The following RPH3A variants were observed in gnomAD, a reference collection of about 807,000 sequenced individuals.
RPH3A encodes the protein rabphilin 3A, also known as rabphilin-3A.
In RPH3A, 48 loss-of-function variants were observed where a neutral mutation model predicts 102.2. The observed-to-expected ratio is 0.47, with a 90% CI of 0.37 to 0.60. The LOEUF is 0.60. Ranked by LOEUF, RPH3A falls within the 20% of genes least tolerant of loss-of-function variation. The pLI, the probability that RPH3A is intolerant of heterozygous loss-of-function variation, is 0.00. For synonymous variants in RPH3A, 310 were observed against 324.3 expected, an observed-to-expected ratio of 0.96 and a Z score of 0.47; for missense variants, 781 against 910.1, an observed-to-expected ratio of 0.86 and a Z score of 1.83.
intron 2 of RPH3A, among the ~76,000 whole-genome samples, chr12:112,804,580 C>T (rs1012896706): frequency 1.3e-5 from 2 of 152,224 alleles, no homozygotes; most frequent in Non-Finnish European, 2.9e-5. Flanking sequence ...AGCTGGCTGG[C>T]TGGTGATAGA....
At chr12:112,677,457 CCT>C (rs2040187461) in intron 1 of RPH3A, among the ~76,000 whole-genome samples, 1 of 135,772 alleles carries the variant, frequency 7.4e-6, no homozygotes, top group African/African-American at 2.9e-5. Context: ...TTCCTTCCTT[CCT>C]TCCTTCCTTC....
intron 2 of RPH3A, among the ~76,000 whole-genome samples, chr12:112,809,246 G>T (rs1041116454): frequency 6.6e-6 from 1 of 152,186 alleles, no homozygotes; most frequent in Non-Finnish European, 1.5e-5. Context: ...TGGTATGTCA[G>T]TGGGGAGTTC....
intron 1 of RPH3A, among the ~76,000 whole-genome samples, chr12:112,698,715 C>T (rs976560590): frequency 3.3e-5 from 5 of 152,086 alleles, no homozygotes; most frequent in African/African-American, 1.2e-4. Context: ...TAATTAATAT[C>T]CAATGCTGGT....
chr12:112,852,543 G>C (rs958092033), intron 5 of RPH3A, among the ~76,000 whole-genome samples: 3 of 152,146 alleles, frequency 2.0e-5, no homozygotes, highest in Non-Finnish European at 4.4e-5. Flanking sequence ...ACGCTAGCTA[G>C]AGTCTCCCAG....
chr12:112,864,448 C>CA (rs11324677), intron 5 of RPH3A, among the ~76,000 whole-genome samples: 27,157 of 101,816 alleles, frequency 0.27, 3,472 homozygotes, highest in Admixed American at 0.31. Context: ...AAGACTCTGT[C>CA]AAAAAAAAAA....
At chr12:112,787,428 G>T (rs539130027), upstream of RPH3A, among the ~76,000 whole-genome samples, 1 of 152,192 alleles carries the variant, frequency 6.6e-6, no homozygotes, top group South Asian at 2.1e-4. Context: ...TGTTATCTTG[G>T]GCAAGTCACT....
intron 1 of RPH3A, among the ~76,000 whole-genome samples, chr12:112,583,924 T>C (rs374790323): frequency 1.6e-4 from 25 of 152,290 alleles, no homozygotes; most frequent in African/African-American, 5.8e-4. Flanking sequence ...AGGTGGAGGT[T>C]GCAGTGAGCC....
intron 1 of RPH3A, among the ~76,000 whole-genome samples, chr12:112,643,059 C>T (rs1459925821): frequency 6.6e-6 from 1 of 152,146 alleles, no homozygotes; most frequent in African/African-American, 2.4e-5. Flanking sequence ...GTTGAGAAAC[C>T]CTGTGCTAGA....
chr12:112,601,129 TG>T (rs1316608241), intron 1 of RPH3A, among the ~76,000 whole-genome samples: 1 of 152,200 alleles, frequency 6.6e-6, no homozygotes, highest in Non-Finnish European at 1.5e-5. Context: ...AGGTGAGATT[TG>T]GGTGGGGACA....
At chr12:112,643,699 G>A (rs748770401) in intron 1 of RPH3A, among the ~76,000 whole-genome samples, 7 of 152,234 alleles carry the variant, frequency 4.6e-5, no homozygotes, top group Non-Finnish European at 8.8e-5. Flanking sequence ...TATTTGGCAG[G>A]TGATCTCAGA....
In RPH3A at chr12:112,883,448, G is replaced by A. The variant is rs115097885; in HGVS notation, c.1436+46G>A. On this transcript the variant is annotated intron_variant, in intron 16 of 21. Transcript: ENST00000389385. Reference sequence around the variant, plus strand: ...AGAGAGGGAGGCAAAGGGGAGACTCGGGGTGGGTGGAACTGAGACTTGGGG... The same window carrying A: ...AGAGAGGGAGGCAAAGGGGAGACTCAGGGTGGGTGGAACTGAGACTTGGGG... 814 of 1,417,810 alleles carry A rather than the reference G, an allele frequency of 5.7e-4. 3 individuals carry two copies. In the African/African-American group the frequency reaches 1.0e-2, roughly 17 times the overall value. The allele number at this position is 1,417,810 out of a possible 1,614,324, so 87.8% of individuals were successfully genotyped here.
chr12:112,585,127 G>T (rs565085458), intron 1 of RPH3A, among the ~76,000 whole-genome samples: 1 of 152,184 alleles, frequency 6.6e-6, no homozygotes. Flanking sequence ...GGAGAAAGAT[G>T]CAGGCTGGAA....
At chr12:112,761,256 G>T (rs1226869853) in intron 1 of RPH3A, among the ~76,000 whole-genome samples, 3 of 152,216 alleles carry the variant, frequency 2.0e-5, no homozygotes, top group Admixed American at 6.5e-5. Context: ...GATTTCAGGA[G>T]GCTTTGAAGT....
At chr12:112,767,835 AT>A (rs998561933) in intron 1 of RPH3A, among the ~76,000 whole-genome samples, 21 of 152,352 alleles carry the variant, frequency 1.4e-4, no homozygotes, top group African/African-American at 4.6e-4. Flanking sequence ...CTTAAAAAAA[AT>A]CATGCTAAGT....
intron 1 of RPH3A, among the ~76,000 whole-genome samples, chr12:112,580,031 A>G (rs1432459014): frequency 2.0e-5 from 3 of 152,226 alleles, no homozygotes; most frequent in Non-Finnish European, 4.4e-5. Context: ...AGTCTCTACT[A>G]TAGGCTAAGG....
chr12:112,630,604 A>T (rs549126495), intron 1 of RPH3A, among the ~76,000 whole-genome samples: 1 of 152,304 alleles, frequency 6.6e-6, no homozygotes, highest in South Asian at 2.1e-4. Flanking sequence ...GGCTAAGGCC[A>T]ATTCTTTGGA....
chr12:112,727,496 C>G (rs1222062784), intron 1 of RPH3A, among the ~76,000 whole-genome samples: 2 of 93,942 alleles, frequency 2.1e-5, no homozygotes, highest in South Asian at 4.7e-4. Flanking sequence ...CACACAGACC[C>G]CCCCCCCCCA....
chr12:112,887,593 A>T (rs2043023289), intron 16 of RPH3A, among the ~76,000 whole-genome samples: 1 of 152,222 alleles, frequency 6.6e-6, no homozygotes, highest in Non-Finnish European at 1.5e-5. Context: ...CTATAAACTA[A>T]ATTTATGTGC....
At chr12:112,858,026 T>C (rs2136206366) in intron 5 of RPH3A, among the ~76,000 whole-genome samples, 1 of 152,064 alleles carries the variant, frequency 6.6e-6, no homozygotes. Context: ...CCCAGCACTT[T>C]GGGAGGCTTT....
Sources: allele counts gnomAD v4.1 joint callset (sites outside exome capture counted in the v4.1 genomes callset), GRCh38; gene constraint gnomAD v4.1.1; transcripts MANE v1.5; gene names NCBI Gene and HGNC (gene_info 2026-07-23, HGNC 2026-07-21).